DMXL2: variants seen among roughly 807,000 people sequenced by gnomAD.
DMXL2 encodes dmX-like protein 2.
Under a neutral mutation model 331.1 loss-of-function variants are expected in DMXL2, and 103 were observed. The observed-to-expected ratio is 0.31, with a 90% CI of 0.27 to 0.37. The LOEUF (loss-of-function observed/expected upper bound fraction) is 0.37. DMXL2 is among the 10% of genes least tolerant of loss of function. The pLI is 1.00. For synonymous variants in DMXL2, 1,281 were observed against 1,252.1 expected (o/e 1.02, Z -0.49); for missense variants, 3,171 against 3,642.9 (o/e 0.87, Z 3.33).
At chr15:51,466,879 AT>A (rs1007982932) in intron 29 of DMXL2, among the ~76,000 whole-genome samples, 5 of 151,866 alleles carry the variant, frequency 3.3e-5, no homozygotes, top group Admixed American at 6.6e-5. Flanking sequence ...TAGCTGGGGA[AT>A]TTTTTTTAAA....
At chr15:51,476,433 T>C (rs746053251) in intron 27 of DMXL2, among the ~76,000 whole-genome samples, 156 bp downstream of exon 27, 8 of 152,142 alleles carry the variant, frequency 5.3e-5, no homozygotes, top group Non-Finnish European at 8.8e-5. Context: ...CAGTACTTAA[T>C]AGTTCCTAAT....
At position 51,499,062 on chromosome 15, in the gene DMXL2, C is replaced by T. The variant is rs372443560; in HGVS notation, c.4162G>A (p.Gly1388Arg). Residue 1388 changes from glycine (G) to arginine (R), a missense_variant, in exon 18 of 44, where the codon GGA becomes AGA. Physicochemically the swap from Gly to Arg is moderately radical, Grantham distance 125. Transcript: ENST00000560891. Reference sequence around the variant, plus strand: ...GAGAGATGTCGCTTAGTTCCTTCTCCAGCATCAGGATCTCTAACTATTGCT... The same window carrying T: ...GAGAGATGTCGCTTAGTTCCTTCTCTAGCATCAGGATCTCTAACTATTGCT... Reference protein sequence around the residue: ...EVAIVRDPDAGEGTKRHLSRT... With the variant: ...EVAIVRDPDAREGTKRHLSRT... 7 of 1,613,846 alleles carry T rather than the reference C, an allele frequency of 4.3e-6. No homozygotes were observed. In the African/African-American group the frequency reaches 9.3e-5, roughly 22 times the overall value.
At chr15:51,583,121 C>CTTTTTTTTTTTTTTTT (rs1171970352) in intron 1 of DMXL2, among the ~76,000 whole-genome samples, 17 of 34,866 alleles carry the variant, frequency 4.9e-4, no homozygotes, top group Non-Finnish European at 8.5e-4. Context: ...TTTTTTTTTT[C>CTTTTTTTTTTTTTTTT]TTTTTTTTTT....
intron 3 of DMXL2, among the ~76,000 whole-genome samples, chr15:51,566,423 A>G (rs1217096930): frequency 2.0e-5 from 3 of 152,210 alleles, no homozygotes; most frequent in Admixed American, 6.5e-5. Context: ...AATCTATTTT[A>G]GTGTAGTAAT....
At chr15:51,575,955 A>G in intron 2 of DMXL2, 101 bp downstream of exon 2, 3 of 1,228,354 alleles carry the variant, frequency 2.4e-6, no homozygotes, top group South Asian at 1.3e-5. Flanking sequence ...CAAGCAATAC[A>G]TAAGAAATTA....
chr15:51,533,977 T>A (rs777002777), intron 13 of DMXL2, among the ~76,000 whole-genome samples: 5 of 152,140 alleles, frequency 3.3e-5, no homozygotes, highest in Non-Finnish European at 7.4e-5. Flanking sequence ...TTGGACTGTT[T>A]AGTTGTGCTT....
intron 39 of DMXL2, 27 bp from the exon 40 acceptor site, chr15:51,455,255 A>G: frequency 6.3e-7 from 1 of 1,577,024 alleles, no homozygotes; most frequent in Non-Finnish European, 8.7e-7. Context: ...ACTACTAAAC[A>G]CATGTTCTTA....
chr15:51,519,072 G>C (rs188656170), intron 13 of DMXL2, among the ~76,000 whole-genome samples: 1 of 151,950 alleles, frequency 6.6e-6, no homozygotes, highest in Admixed American at 6.5e-5. Flanking sequence ...TAGAACCCAA[G>C]AGTATCTTAA....
chr15:51,601,867 C>T (rs981653729), intron 1 of DMXL2, among the ~76,000 whole-genome samples: 1 of 152,114 alleles, frequency 6.6e-6, no homozygotes, highest in African/African-American at 2.4e-5. Flanking sequence ...ATCTTCCAGT[C>T]CATGAACATA....
At chr15:51,457,576 A>C in intron 36 of DMXL2, 110 bp from the exon 37 acceptor site, 1 of 1,303,382 alleles carries the variant, frequency 7.7e-7, no homozygotes, top group Non-Finnish European at 1.0e-6. Flanking sequence ...TTAAAAACTA[A>C]GTAGCCATGA....
intron 16 of DMXL2, 110 bp from the exon 17 acceptor site, chr15:51,503,143 T>G (rs2043803646): frequency 2.5e-6 from 2 of 806,944 alleles, no homozygotes; most frequent in Non-Finnish European, 3.8e-6. Context: ...TAAAAGTATT[T>G]TGGAGGTGAG....
At position 51,507,125 on chromosome 15, in the gene DMXL2, A is replaced by G; in HGVS notation, c.2764+9T>C. 1.3e-6 allele frequency: 2 copies of G among 1,578,672 alleles called. No individual in the cohort carries two copies. Among genetic ancestry groups the G allele is most frequent in the Non-Finnish European group, 1.7e-6 (2 of 1,161,712 alleles). On this transcript the variant is annotated intron_variant, in intron 16 of 43. Transcript: ENST00000560891. ...TGTATCATCTCTGTATAAAACTATA[A>G]TTACTTACCTAAACATGCTTGTACA... is the stretch of plus-strand genomic sequence containing the variant.
chr15:51,536,029 A>T, intron 12 of DMXL2, 137 bp downstream of exon 12: 1 of 941,250 alleles, frequency 1.1e-6, no homozygotes, highest in Non-Finnish European at 1.5e-6. Context: ...TGTATTCTGA[A>T]TATTTATTAA....
intron 1 of DMXL2, among the ~76,000 whole-genome samples, chr15:51,619,600 C>A (rs2054503724): frequency 6.6e-6 from 1 of 152,204 alleles, no homozygotes; most frequent in Non-Finnish European, 1.5e-5. Context: ...ATATAACACA[C>A]ATTTCTTTCA....
intron 41 of DMXL2, 102 bp downstream of exon 41, chr15:51,453,448 A>G (rs1167684445): frequency 1.3e-6 from 1 of 776,570 alleles, no homozygotes; most frequent in African/African-American, 1.8e-5. Context: ...TTTTTTTTTA[A>G]TGCCTAGAGT....
chr15:51,569,517 C>A (rs537118326), intron 2 of DMXL2, among the ~76,000 whole-genome samples: 3 of 152,304 alleles, frequency 2.0e-5, no homozygotes, highest in Admixed American at 6.5e-5. Flanking sequence ...CCCTGACCCC[C>A]CCGTGTACCC....
chr15:51,540,990 T>C (rs1184969878), intron 9 of DMXL2, among the ~76,000 whole-genome samples: 1 of 152,152 alleles, frequency 6.6e-6, no homozygotes, highest in Non-Finnish European at 1.5e-5. Context: ...TAATATGTAT[T>C]GAATTTAGTG....
intron 13 of DMXL2, among the ~76,000 whole-genome samples, chr15:51,531,407 A>G (rs567739697): frequency 6.6e-6 from 1 of 152,354 alleles, no homozygotes; most frequent in East Asian, 1.9e-4. Flanking sequence ...ATTTAAATCT[A>G]AGACCTCAAA....
chr15:51,595,286 CAG>C, intron 1 of DMXL2, among the ~76,000 whole-genome samples: 1 of 152,254 alleles, frequency 6.6e-6, no homozygotes, highest in East Asian at 1.9e-4. Context: ...AACAGACAAA[CAG>C]AGAGCCAAAT....
Sources: allele counts gnomAD v4.1 joint callset (sites outside exome capture counted in the v4.1 genomes callset), GRCh38; gene constraint gnomAD v4.1.1; transcripts MANE v1.5; gene names NCBI Gene and HGNC (gene_info 2026-07-23, HGNC 2026-07-21).